Variants in POLN observed in about 807,000 individuals in gnomAD.
POLN encodes the protein DNA polymerase N.
In POLN, 108 loss-of-function variants were observed where a neutral mutation model predicts 113.5. The ratio of observed to expected loss-of-function variants is 0.95; its 90% CI spans 0.81 to 1.12. The LOEUF is 1.12. Among genes scored for constraint, POLN ranks in the 50% most tolerant of loss-of-function variants. The pLI, the probability that POLN is intolerant of heterozygous loss-of-function variation, is 0.00. For synonymous variants in POLN, 386 were observed against 391.5 expected (o/e 0.99, Z 0.17); for missense variants, 1,097 against 1,077.1 (o/e 1.02, Z -0.26).
chr4:2,229,189 T>A lies in POLN; in HGVS notation c.43A>T (p.Thr15Ser). 2 of 1,610,564 alleles carry A rather than the reference T, an allele frequency of 1.2e-6. No homozygotes were observed. The highest frequency in any genetic ancestry group is 1.7e-6 in the Non-Finnish European group (2 of 1,177,434). ...EALVGFDLCN[T>S]PLSSVAQKIM... Reference sequence around the variant, plus strand: ...TTCTGAGCAACACTGGAGAGCGGTGTATTACAGAGATCAAAGCCTACCAAT... The same window carrying A: ...TTCTGAGCAACACTGGAGAGCGGTGAATTACAGAGATCAAAGCCTACCAAT... The change falls in exon 3 of 26, where the codon ACA becomes TCA. Residue 15 changes from threonine to serine, a missense_variant. By Grantham distance (58) the Thr-to-Ser change is moderately conservative. Coordinates refer to ENST00000511885, the MANE Select transcript of POLN (RefSeq NM_181808.4).
At chr4:2,175,668 C>G (rs1732977248) in intron 9 of POLN, among the ~76,000 whole-genome samples, 1 of 152,250 alleles carries the variant, frequency 6.6e-6, no homozygotes, top group East Asian at 1.9e-4. Context: ...CTCTTGCCCT[C>G]ATGTTCTCTC....
intron 25 of POLN, 147 bp downstream of exon 25, chr4:2,072,821 G>A (rs371747944): frequency 2.6e-5 from 21 of 793,134 alleles, no homozygotes; most frequent in East Asian, 7.9e-5. Context: ...CTTCAGGGAC[G>A]GTCCAGCCTC....
chr4:2,234,086 G>C (rs10428360), intron 2 of POLN, among the ~76,000 whole-genome samples: 6,252 of 152,200 alleles, frequency 0.041, 468 homozygotes, highest in African/African-American at 0.14. Flanking sequence ...AAAATACCCA[G>C]TAACAATAAC....
intron 19 of POLN, among the ~76,000 whole-genome samples, chr4:2,099,123 G>A (rs573676879): frequency 3.3e-5 from 5 of 152,234 alleles, no homozygotes; most frequent in African/African-American, 1.2e-4. Context: ...AATAAATGGG[G>A]GAGAACACAG....
At chr4:2,221,091 C>G (rs970331629) in intron 3 of POLN, among the ~76,000 whole-genome samples, 11 of 152,058 alleles carry the variant, frequency 7.2e-5, no homozygotes, top group African/African-American at 2.4e-4. Context: ...GCCATTTCTG[C>G]AGGTCTCAGA....
In POLN at chr4:2,213,090, G is replaced by A; in HGVS notation, c.170C>T (p.Ser57Leu). The change falls in exon 4 of 26, where the codon TCA becomes TTA. Residue 57 changes from serine to leucine, a missense_variant. Physicochemically the swap from Ser to Leu is moderately radical, Grantham distance 145. Transcript: ENST00000511885. ...EVINKSSVKY[S>L]VQLEDRKTQS... is the part of the protein sequence containing the mutation. ...AGTCTTCCTGTCTTCAAGTTGTACTGAATACTTAACACTGGACTTGTTTAT... is the reference window on the plus strand; with the variant it reads ...AGTCTTCCTGTCTTCAAGTTGTACTAAATACTTAACACTGGACTTGTTTAT... 6.2e-7 allele frequency: 1 copy of A among 1,609,526 alleles called. No individual in the cohort carries two copies. Among genetic ancestry groups the A allele is most frequent in the Non-Finnish European group, 8.5e-7 (1 of 1,178,288 alleles).
chr4:2,131,842 T>A (rs1443928479), intron 16 of POLN, among the ~76,000 whole-genome samples: 1 of 152,206 alleles, frequency 6.6e-6, no homozygotes, highest in Non-Finnish European at 1.5e-5. Flanking sequence ...ACTTGGGCAA[T>A]GTGCAATAGT....
In POLN at chr4:2,092,636, C is replaced by A. The variant is rs538040526; in HGVS notation, c.2065+3215G>T. On this transcript the variant is annotated intron_variant, in intron 20 of 25. Coordinates refer to ENST00000511885, the MANE Select transcript of POLN (RefSeq NM_181808.4). ...GTCCTGCTGCTTCCTCTGCTGTATT[C>A]ATCACAGTCTTCACAATAGTCATGT... 1.2e-4 allele frequency among the ~76,000 whole-genome samples: 19 copies of A among 152,352 alleles called. No individual in the cohort carries two copies. The East Asian group carries it at 3.7e-3, about 29-fold the overall frequency.
In POLN at chr4:2,233,424, G is replaced by A. The variant is rs141077701; in HGVS notation, c.-12-4181C>T. ...TAGAGTGAGATTACCATATTTTAGT[G>A]ATTCTTGGATGCATTTTTTTTTCAC... On this transcript the variant is annotated intron_variant, in intron 2 of 25. Transcript: ENST00000511885. Among the ~76,000 whole-genome samples the A allele has an allele frequency of 1.7e-3, 247 of 144,862 alleles. 1 individual carries two copies. Among genetic ancestry groups the A allele is most frequent in the African/African-American group, 6.7e-3 (238 of 35,610 alleles).
chr4:2,197,045 G>A (rs1009024536), intron 6 of POLN, among the ~76,000 whole-genome samples: 1 of 152,212 alleles, frequency 6.6e-6, no homozygotes. Context: ...AGCAGACCTC[G>A]AGGGCGAGGG....
chr4:2,075,585 A>C (rs1302967826), intron 23 of POLN, 66 bp from the exon 24 acceptor site: 1 of 1,543,206 alleles, frequency 6.5e-7, no homozygotes, highest in East Asian at 2.2e-5. Flanking sequence ...CCAGCCTGGC[A>C]GGGAGGGAGG....
intron 13 of POLN, among the ~76,000 whole-genome samples, chr4:2,170,173 C>T (rs1175081450): frequency 1.3e-5 from 2 of 152,224 alleles, no homozygotes; most frequent in Non-Finnish European, 2.9e-5. Flanking sequence ...TATTTACTGA[C>T]TTCCACTCTG....
chr4:2,132,696 T>C (rs1731755478), intron 16 of POLN, among the ~76,000 whole-genome samples: 1 of 152,220 alleles, frequency 6.6e-6, no homozygotes, highest in Non-Finnish European at 1.5e-5. Context: ...GAGCCACAAC[T>C]TCCACAGACT....
Position 2,229,216 on chromosome 4 carries a change from C to T in POLN, c.16G>A (p.Ala6Thr). The change falls in exon 3 of 26, where the codon GCA (alanine) becomes ACA (threonine). Residue 6 changes from alanine (A) to threonine (T), a missense_variant. Physicochemically the swap from Ala to Thr is moderately conservative, Grantham distance 58. Coordinates refer to ENST00000511885, the MANE Select transcript of POLN (RefSeq NM_181808.4). Reference protein sequence around the residue: MENYEALVGFDLCNTP... With the variant: MENYETLVGFDLCNTP... ...TTACAGAGATCAAAGCCTACCAATGCCTCATAATTTTCCATTTTCACAAAA... is the reference window on the plus strand; with the variant it reads ...TTACAGAGATCAAAGCCTACCAATGTCTCATAATTTTCCATTTTCACAAAA... The T allele has an allele frequency of 1.3e-6, 2 of 1,597,500 alleles. No homozygotes were observed. The highest frequency in any genetic ancestry group is 1.7e-6 in the Non-Finnish European group (2 of 1,173,452).
At chr4:2,188,811 T>C (rs10003319) in intron 7 of POLN, among the ~76,000 whole-genome samples, 37,482 of 152,030 alleles carry the variant, frequency 0.25, 7,138 homozygotes, top group African/African-American at 0.51. Context: ...ATAGCTATGG[T>C]AACGTGTTAA....
chr4:2,098,765 C>T (rs1341580895), intron 19 of POLN, among the ~76,000 whole-genome samples: 2 of 152,222 alleles, frequency 1.3e-5, no homozygotes, highest in African/African-American at 2.4e-5. Context: ...AGAACTTGGC[C>T]TTTAATAGCC....
In POLN at chr4:2,131,706, C is replaced by A. The variant is rs560611991; in HGVS notation, c.1732-416G>T. 2.0e-5 allele frequency among the ~76,000 whole-genome samples: 3 copies of A among 152,280 alleles called. No individual in the cohort carries two copies. In the South Asian group the frequency reaches 6.2e-4, roughly 32 times the overall value. On this transcript the variant is annotated intron_variant, in intron 16 of 25. Transcript: ENST00000511885. ...TCTGGTCTCTTTGATGCTGGTCATTCCCCTCCCTCACTGCTCCTGGCACTT... is the reference window on the plus strand; with the variant it reads ...TCTGGTCTCTTTGATGCTGGTCATTACCCTCCCTCACTGCTCCTGGCACTT...
In POLN at chr4:2,144,954, T is replaced by C. The variant is rs145420669; in HGVS notation, c.1731+11834A>G. Among the ~76,000 whole-genome samples the C allele has an allele frequency of 1.6e-4, 24 of 152,218 alleles. No homozygotes were observed. In the East Asian group the frequency reaches 4.6e-3, roughly 29 times the overall value. Reference sequence around the variant, plus strand: ...TAAAAGAGTGGTAAGAATATGGAAATAGACCAAAGGCACAGAATTGAGAGC... The same window carrying C: ...TAAAAGAGTGGTAAGAATATGGAAACAGACCAAAGGCACAGAATTGAGAGC... On this transcript the variant is annotated intron_variant, in intron 16 of 25. Transcript: ENST00000511885.
chr4:2,205,609 T>G (rs1406468681), intron 5 of POLN, among the ~76,000 whole-genome samples: 39 of 152,194 alleles, frequency 2.6e-4, no homozygotes. Context: ...GCATGGTGGC[T>G]GACACCTGTA....
Sources: allele counts gnomAD v4.1 joint callset (sites outside exome capture counted in the v4.1 genomes callset), GRCh38; gene constraint gnomAD v4.1.1; transcripts MANE v1.5; gene names NCBI Gene and HGNC (gene_info 2026-07-23, HGNC 2026-07-21).